PCDH15: variants seen among roughly 807,000 people sequenced by gnomAD.
PCDH15 encodes the protein protocadherin related 15.
A neutral mutation model predicts 178.5 loss-of-function variants in PCDH15; 129 were observed. That is an observed-to-expected ratio of 0.72 (90% CI 0.63 to 0.84). PCDH15 has a LOEUF of 0.84. Among genes scored for constraint, PCDH15 ranks in the 40% least tolerant of loss-of-function variants. The probability of loss-of-function intolerance (pLI) is 0.00; values close to 1 mark genes in which losing one functional copy is unlikely to be tolerated. For synonymous variants in PCDH15, 800 were observed against 732.0 expected (o/e 1.09, Z -1.50); for missense variants, 2,230 against 2,099.9 (o/e 1.06, Z -1.21).
At chr10:54,499,320 A>C (rs2080418536) in intron 3 of PCDH15, among the ~76,000 whole-genome samples, 1 of 152,114 alleles carries the variant, frequency 6.6e-6, no homozygotes, top group Non-Finnish European at 1.5e-5. Flanking sequence ...GACCAAATGC[A>C]CCTAACAGAC....
At chr10:54,402,162 G>T (rs548143825) in intron 3 of PCDH15, among the ~76,000 whole-genome samples, 1 of 151,782 alleles carries the variant, frequency 6.6e-6, no homozygotes, top group Non-Finnish European at 1.5e-5. Context: ...GAAAATTCAT[G>T]TATCAAAAGT....
intron 18 of PCDH15, among the ~76,000 whole-genome samples, chr10:54,060,931 AG>A (rs1359236265): frequency 1.3e-5 from 2 of 152,148 alleles, no homozygotes; most frequent in African/African-American, 2.4e-5. Context: ...AGGCTTTTAA[AG>A]GTAAGTGGCT....
intron 10 of PCDH15, among the ~76,000 whole-genome samples, chr10:54,197,903 T>G (rs2049836138): frequency 6.6e-6 from 1 of 152,238 alleles, no homozygotes; most frequent in South Asian, 2.1e-4. Context: ...AATGCATTGA[T>G]TAAAAAACTT....
intron 1 of PCDH15, among the ~76,000 whole-genome samples, chr10:55,262,425 T>G (rs1408160334): frequency 1.3e-5 from 2 of 152,046 alleles, no homozygotes; most frequent in Admixed American, 1.3e-4. Context: ...ATCCTGTGCT[T>G]ATAAAAACAC....
At chr10:54,792,849 T>C (rs1469410535) in intron 1 of PCDH15, among the ~76,000 whole-genome samples, 1 of 151,824 alleles carries the variant, frequency 6.6e-6, no homozygotes, top group Admixed American at 6.6e-5. Context: ...TACAGTAATA[T>C]AGCCAGGTTG....
In PCDH15 at chr10:54,045,530, G is replaced by C. The variant is rs140169993; in HGVS notation, c.2220+21227C>G. Among the ~76,000 whole-genome samples, 636 of 152,194 alleles carry C rather than the reference G, an allele frequency of 4.2e-3. 6 individuals are homozygous for C. Among genetic ancestry groups the C allele is most frequent in the African/African-American group, 0.011 (446 of 41,534 alleles). ...ACTATAATTGAGACAGTGTGCTATT[G>C]CTGCAAGACTAGACTAATAAACCAA... On this transcript the variant is annotated intron_variant, in intron 18 of 37. Transcript: ENST00000644397.
At chr10:55,432,693 T>C (rs978391021) in intron 2 of PCDH15, among the ~76,000 whole-genome samples, 3 of 152,142 alleles carry the variant, frequency 2.0e-5, no homozygotes, top group Non-Finnish European at 2.9e-5. Flanking sequence ...AGTTTCATCA[T>C]TGTGTAAAGC....
intron 1 of PCDH15, among the ~76,000 whole-genome samples, chr10:54,780,214 C>T (rs1160345946): frequency 6.6e-6 from 1 of 152,154 alleles, no homozygotes; most frequent in Non-Finnish European, 1.5e-5. Flanking sequence ...AGCAAGAAAG[C>T]CCTTACCACA....
At chr10:55,104,828 G>A (rs1424760103) in intron 2 of PCDH15, among the ~76,000 whole-genome samples, 1 of 152,158 alleles carries the variant, frequency 6.6e-6, no homozygotes, top group Non-Finnish European at 1.5e-5. Flanking sequence ...TAAGGTTTAT[G>A]ATACTGCACT....
intron 2 of PCDH15, among the ~76,000 whole-genome samples, chr10:55,406,344 A>G (rs1254949962): frequency 6.6e-6 from 1 of 152,206 alleles, no homozygotes; most frequent in East Asian, 1.9e-4. Context: ...CAGGGAAACC[A>G]ATTAAAAACT....
intron 3 of PCDH15, among the ~76,000 whole-genome samples, chr10:54,518,615 C>A (rs11527497): frequency 6.6e-6 from 1 of 152,046 alleles, no homozygotes; most frequent in South Asian, 2.1e-4. Flanking sequence ...GATTCACAGC[C>A]GAATTCTACC....
chr10:54,434,864 C>T (rs1162248047), intron 3 of PCDH15, among the ~76,000 whole-genome samples: 5 of 152,176 alleles, frequency 3.3e-5, no homozygotes, highest in Non-Finnish European at 7.3e-5. Context: ...TTTCTTCTCA[C>T]TAGTAACTGC....
intron 2 of PCDH15, among the ~76,000 whole-genome samples, chr10:55,408,255 G>A (rs948428422): frequency 6.6e-6 from 1 of 150,872 alleles, no homozygotes; most frequent in Non-Finnish European, 1.5e-5. Context: ...GTGCGATCTC[G>A]GCTCACTGCA....
In PCDH15 at chr10:54,111,905, T is replaced by A. The variant is rs538518194; in HGVS notation, c.1917+20970A>T. ...AGTTTGGGAGGCCAAGGCAGGTAGATCACTTGAGGTCAGGAGTTCAAGACC... is the reference window on the plus strand; with the variant it reads ...AGTTTGGGAGGCCAAGGCAGGTAGAACACTTGAGGTCAGGAGTTCAAGACC... On this transcript the variant is annotated intron_variant, in intron 15 of 37. Coordinates refer to ENST00000644397, the MANE Select transcript of PCDH15 (RefSeq NM_001384140.1). 1.0e-4 allele frequency among the ~76,000 whole-genome samples: 15 copies of A among 148,386 alleles called. No individual in the cohort carries two copies. The South Asian group carries it at 3.2e-3, about 31-fold the overall frequency.
chr10:55,538,493 C>T (rs1390434909), intron 2 of PCDH15, among the ~76,000 whole-genome samples: 1 of 134,288 alleles, frequency 7.4e-6, no homozygotes, highest in African/African-American at 2.8e-5. Flanking sequence ...TTCCTTCCTC[C>T]TTTCCTTCCT....
intron 13 of PCDH15, among the ~76,000 whole-genome samples, chr10:54,181,761 A>G (rs535631135): frequency 6.6e-6 from 1 of 152,300 alleles, no homozygotes; most frequent in African/African-American, 2.4e-5. Flanking sequence ...TAGCAGTTTG[A>G]AACGTTTTTT....
intron 6 of PCDH15, among the ~76,000 whole-genome samples, chr10:54,335,501 T>C (rs1940893446): frequency 6.6e-6 from 1 of 152,176 alleles, no homozygotes; most frequent in African/African-American, 2.4e-5. Flanking sequence ...GGGAGGGAGC[T>C]GGTGTGAGAT....
At position 53,840,434 on chromosome 10, in the gene PCDH15, C is replaced by G; in HGVS notation, c.3869G>C (p.Gly1290Ala). The part of the protein sequence containing the change: ...PGAKVVVESI[G>A]ARRHGDAFSL... ...AAAGGCATCTCCATGCCGGCGAGCTCCAATGGACTCCACTACGACCTTGGC... is the reference window on the plus strand; with the variant it reads ...AAAGGCATCTCCATGCCGGCGAGCTGCAATGGACTCCACTACGACCTTGGC... Residue 1290 changes from glycine (G) to alanine (A), a missense_variant, in exon 29 of 38, where the codon GGA (glycine) becomes GCA (alanine). By Grantham distance (60) the Gly-to-Ala change is moderately conservative. Transcript: ENST00000644397. The G allele has an allele frequency of 1.9e-6, 3 of 1,614,044 alleles. No individual in the cohort carries two copies. The highest frequency in any genetic ancestry group is 2.5e-6 in the Non-Finnish European group (3 of 1,179,940).
At chr10:53,837,107 G>C (rs991348249) in intron 29 of PCDH15, among the ~76,000 whole-genome samples, 15 of 151,848 alleles carry the variant, frequency 9.9e-5, no homozygotes, top group Non-Finnish European at 2.1e-4. Context: ...TGTGGGCGGG[G>C]GAGGGGAGCA....
Sources: allele counts gnomAD v4.1 joint callset (sites outside exome capture counted in the v4.1 genomes callset), GRCh38; gene constraint gnomAD v4.1.1; transcripts MANE v1.5; gene names NCBI Gene and HGNC (gene_info 2026-07-23, HGNC 2026-07-21).